PEAK1: variants seen among roughly 807,000 people sequenced by gnomAD.
The protein encoded by PEAK1 is inactive tyrosine-protein kinase PEAK1.
In PEAK1, 54 loss-of-function variants were observed where a neutral mutation model predicts 124.7. The ratio of observed to expected loss-of-function variants is 0.43; its 90% CI spans 0.35 to 0.54. The LOEUF is 0.54. Among genes scored for constraint, PEAK1 ranks in the 20% least tolerant of loss-of-function variants. The pLI is 0.01. For missense variants in PEAK1, 2,046 were observed against 2,134.5 expected, an observed-to-expected ratio of 0.96 and a Z score of 0.82; for synonymous variants, 719 against 760.0, an observed-to-expected ratio of 0.95 and a Z score of 0.89.
intron 8 of PEAK1, among the ~76,000 whole-genome samples, chr15:77,137,438 G>A (rs1224162849): frequency 6.6e-6 from 1 of 152,216 alleles, no homozygotes; most frequent in Non-Finnish European, 1.5e-5. Context: ...AAGCCACAGG[G>A]ATGGAGCTGC....
intron 5 of PEAK1, among the ~76,000 whole-genome samples, chr15:77,269,136 T>C (rs567254312): frequency 2.7e-4 from 41 of 150,854 alleles, no homozygotes; most frequent in Non-Finnish European, 5.0e-4. Context: ...AGGCAATATA[T>C]AGAACGATGA....
intron 2 of PEAK1, chr15:77,333,142 CTTTATTTATTTA>C (rs372151680): frequency 1.0e-6 from 1 of 961,340 alleles, no homozygotes; most frequent in African/African-American, 1.8e-5. Context: ...AACTAAAACA[CTTTATTTATTTA>C]TTTATTTATT....
chr15:77,165,222 C>A (rs2055997107), intron 7 of PEAK1, among the ~76,000 whole-genome samples: 1 of 142,938 alleles, frequency 7.0e-6, no homozygotes, highest in Non-Finnish European at 1.5e-5. Context: ...TTTTTTGAGA[C>A]AGTGCTCTGT....
At chr15:77,208,934 A>T (rs893588471) in intron 6 of PEAK1, among the ~76,000 whole-genome samples, 2 of 152,192 alleles carry the variant, frequency 1.3e-5, no homozygotes, top group Non-Finnish European at 2.9e-5. Flanking sequence ...TAAAACATAG[A>T]TGTTATCTAA....
At chr15:77,387,021 A>G (rs1183347633) in intron 1 of PEAK1, among the ~76,000 whole-genome samples, 2 of 152,240 alleles carry the variant, frequency 1.3e-5, no homozygotes, top group African/African-American at 2.4e-5. Context: ...TTAACTCAAT[A>G]AAGTGCAGAC....
intron 2 of PEAK1, among the ~76,000 whole-genome samples, chr15:77,316,896 G>T (rs1597262880): frequency 6.6e-6 from 1 of 151,996 alleles, no homozygotes; most frequent in African/African-American, 2.4e-5. Context: ...TGGCCGACAT[G>T]GCAAAACCCT....
chr15:77,337,965 C>T, intron 2 of PEAK1: 1 of 983,936 alleles, frequency 1.0e-6, no homozygotes, highest in Non-Finnish European at 1.2e-6. Context: ...ATTGGAAGTA[C>T]CATCATACCA....
Position 77,280,245 on chromosome 15 carries a change from G to C in PEAK1, c.-275+3638C>G, listed in dbSNP as rs1353595237. On this transcript the variant is annotated intron_variant, in intron 5 of 9. Coordinates refer to ENST00000682557, the MANE Select transcript of PEAK1 (RefSeq NM_001385026.1). ...AATCCCAGCTACTTAGGAGGCTGAG[G>C]TACAAGAATCGCTTGAAAACGGGAG... Among the ~76,000 whole-genome samples, 2 of 152,100 alleles carry C rather than the reference G, an allele frequency of 1.3e-5. 1 individual carries two copies. The highest frequency in any genetic ancestry group is 2.9e-5 in the Non-Finnish European group (2 of 68,022).
chr15:77,302,890 A>T (rs1327511210), intron 2 of PEAK1, among the ~76,000 whole-genome samples: 1 of 152,088 alleles, frequency 6.6e-6, no homozygotes, highest in Non-Finnish European at 1.5e-5. Context: ...TTATCACCCT[A>T]AAAAAGTCCT....
chr15:77,201,684 T>TA (rs1206708931), intron 6 of PEAK1, among the ~76,000 whole-genome samples: 1 of 152,226 alleles, frequency 6.6e-6, no homozygotes, highest in Non-Finnish European at 1.5e-5. Flanking sequence ...CTAGTGTTGA[T>TA]ATGCTAGATA....
At chr15:77,221,985 C>G (rs1169684547) in intron 6 of PEAK1, among the ~76,000 whole-genome samples, 5 of 152,020 alleles carry the variant, frequency 3.3e-5, no homozygotes, top group African/African-American at 9.7e-5. Flanking sequence ...AAGAATGTCA[C>G]TACTGGGGCA....
At chr15:77,420,741 C>T, upstream of PEAK1, 2 of 396,868 alleles carry the variant, frequency 5.0e-6, no homozygotes, top group Non-Finnish European at 8.9e-6. Context: ...TGTGAAGGTA[C>T]CGTGGAAAAT....
chr15:77,144,202 G>T (rs2054008041), intron 8 of PEAK1, among the ~76,000 whole-genome samples: 1 of 152,166 alleles, frequency 6.6e-6, no homozygotes, highest in Non-Finnish European at 1.5e-5. Context: ...TCAGCAAGTT[G>T]GTCAAGGCTC....
At chr15:77,258,838 TTCA>T (rs958786720) in intron 5 of PEAK1, among the ~76,000 whole-genome samples, 2 of 152,226 alleles carry the variant, frequency 1.3e-5, no homozygotes, top group Admixed American at 6.5e-5. Context: ...TTTTTGCCCA[TTCA>T]GTATGATGTT....
At chr15:77,299,952 A>C (rs1363942458) in intron 2 of PEAK1, among the ~76,000 whole-genome samples, 1 of 152,224 alleles carries the variant, frequency 6.6e-6, no homozygotes, top group East Asian at 1.9e-4. Context: ...AAACTGTTCA[A>C]GAATTGGCCA....
intron 6 of PEAK1, among the ~76,000 whole-genome samples, chr15:77,228,222 C>G (rs1316826267): frequency 6.6e-6 from 1 of 152,040 alleles, no homozygotes; most frequent in African/African-American, 2.4e-5. Context: ...CCCATTAACT[C>G]ATCATTTAGT....
intron 6 of PEAK1, chr15:77,239,906 C>T (rs996137881): frequency 1.4e-5 from 12 of 874,622 alleles, no homozygotes; most frequent in Non-Finnish European, 1.6e-5. Flanking sequence ...ATAATAATGG[C>T]AACCTAATTA....
chr15:77,114,556 T>C lies in PEAK1; in HGVS notation c.4841A>G (p.Glu1614Gly). The C allele has an allele frequency of 6.2e-7, 1 of 1,614,112 alleles. No homozygotes were observed. Among genetic ancestry groups the C allele is most frequent in the Non-Finnish European group, 8.5e-7 (1 of 1,180,016 alleles). ...TCGTGTGTATTCCCTCTCCTTCAGC[T>C]CTGGGTTCTCATCAAAGGGGTTGGG... ...HLPNPFDENPELKEREYTRAD... is the reference protein window; with the variant it reads ...HLPNPFDENPGLKEREYTRAD... Residue 1614 changes from glutamate (E) to glycine (G), a missense_variant, in exon 10 of 10, where the codon GAG becomes GGG. By Grantham distance (98) the Glu-to-Gly change is moderately conservative (BLOSUM62 -2). Transcript: ENST00000682557.
chr15:77,258,753 C>T (rs546383393), intron 5 of PEAK1, among the ~76,000 whole-genome samples: 2 of 152,238 alleles, frequency 1.3e-5, no homozygotes, highest in African/African-American at 2.4e-5. Context: ...CCAGAACTTC[C>T]AACACTATGT....
Sources: gnomAD v4.1 joint callset for allele counts (sites outside exome capture counted in the v4.1 genomes callset) on GRCh38, gnomAD v4.1.1 for gene constraint, MANE v1.5 for transcripts, NCBI Gene and HGNC (gene_info 2026-07-23, HGNC 2026-07-21) for gene names.